The following INTS3 variants were observed in gnomAD, a reference collection of about 807,000 sequenced individuals.
The protein encoded by INTS3 is SOSS complex subunit A.
A neutral mutation model predicts 146.3 loss-of-function variants in INTS3; 34 were observed. The ratio of observed to expected loss-of-function variants is 0.23; its 90% CI spans 0.18 to 0.31. The LOEUF (loss-of-function observed/expected upper bound fraction) is 0.31, where lower values mean the gene tolerates loss of function less well. INTS3 is among the 10% of genes least tolerant of loss of function. The pLI is 1.00. For synonymous variants in INTS3, 475 were observed against 494.9 expected, an observed-to-expected ratio of 0.96 and a Z score of 0.53; for missense variants, 757 against 1,304.2, an observed-to-expected ratio of 0.58 and a Z score of 6.46.
chr1:153,731,674 C>A (rs1008801996), intron 1 of INTS3, among the ~76,000 whole-genome samples: 1 of 148,952 alleles, frequency 6.7e-6, no homozygotes, highest in African/African-American at 2.5e-5. Context: ...CAAGCTCTGC[C>A]TCCCGGGTTC....
intron 25 of INTS3, among the ~76,000 whole-genome samples, chr1:153,771,045 C>A (rs1045664352): frequency 6.6e-6 from 1 of 152,084 alleles, no homozygotes; most frequent in African/African-American, 2.4e-5. Context: ...GCGCCCCCCC[C>A]ACCGCCCCAT....
At chr1:153,759,966 C>T (rs749227837) in intron 11 of INTS3, 6 of 485,708 alleles carry the variant, frequency 1.2e-5, no homozygotes, top group African/African-American at 1.9e-5. Context: ...CAAGCTGTTT[C>T]GGGGCCTGTC....
At chr1:153,752,594 GT>G (rs1326760597) in intron 8 of INTS3, among the ~76,000 whole-genome samples, 186 bp downstream of exon 8, 1 of 152,162 alleles carries the variant, frequency 6.6e-6, no homozygotes, top group Non-Finnish European at 1.5e-5. Context: ...AATTCATGTA[GT>G]TCCTAGACAG....
intron 1 of INTS3, among the ~76,000 whole-genome samples, chr1:153,735,702 G>C (rs1443724019): frequency 6.6e-6 from 1 of 152,112 alleles, no homozygotes. Context: ...TGATTCCCCA[G>C]TCCGTGATAA....
chr1:153,773,277 G>A lies in INTS3; in HGVS notation c.*7G>A, dbSNP rs754138766. 8 of 1,613,014 alleles carry A rather than the reference G, an allele frequency of 5.0e-6. No homozygotes were observed. In the African/African-American group the frequency reaches 1.1e-4, roughly 22 times the overall value. The stretch of plus-strand genomic sequence containing the variant: ...GGGCTCTGACAGTGACTGAGGCCCT[G>A]CATTCCCCATCCCACCCCCGGCTGG... On this transcript the variant is annotated 3_prime_UTR_variant, in exon 30 of 30. Coordinates refer to ENST00000318967, the MANE Select transcript of INTS3 (RefSeq NM_023015.5).
intron 1 of INTS3, among the ~76,000 whole-genome samples, chr1:153,734,715 G>A (rs900997459): frequency 6.6e-6 from 1 of 152,184 alleles, no homozygotes; most frequent in African/African-American, 2.4e-5. Context: ...GGATCTGGTA[G>A]AGGGTACATC....
Position 153,773,483 on chromosome 1 carries a change from C to G in INTS3, c.*213C>G. ...CCTCCTCCTGGGGCCTCCAGCCCCTCACACTGCTGTTCCCAGTGATATTTG... is the reference window on the plus strand; with the variant it reads ...CCTCCTCCTGGGGCCTCCAGCCCCTGACACTGCTGTTCCCAGTGATATTTG... On this transcript the variant is annotated 3_prime_UTR_variant, in exon 30 of 30. Transcript: ENST00000318967. 1 of 614,962 alleles carries G rather than the reference C, an allele frequency of 1.6e-6. No homozygotes were observed. The highest frequency in any genetic ancestry group is 3.0e-6 in the Non-Finnish European group (1 of 337,776). The allele number at this position is 614,962 out of a possible 1,614,324, so 38.1% of individuals were successfully genotyped here.
At chr1:153,745,566 C>G (rs575942500) in intron 3 of INTS3, among the ~76,000 whole-genome samples, 1 of 150,964 alleles carries the variant, frequency 6.6e-6, no homozygotes, top group Non-Finnish European at 1.5e-5. Flanking sequence ...GAGATCCTGA[C>G]GGGATAGAAC....
chr1:153,770,057 GGGTGTGTGTGT>G, intron 23 of INTS3, 130 bp from the exon 24 acceptor site: 4 of 451,900 alleles, frequency 8.9e-6, no homozygotes, highest in Admixed American at 6.6e-5. Flanking sequence ...CAGTGGATTG[GGGTGTGTGTGT>G]GTGTGTGTGT....
rs1491428244 is a variant in INTS3 at position 153,731,577 on chromosome 1, C to CTTTTTTTTTTTTTTTTTTTTTTTT, written c.150+2794_150+2795insTTTTTTTTTTTTTTTTTTTTTTTT. 3.1e-5 allele frequency among the ~76,000 whole-genome samples: 4 copies of CTTTTTTTTTTTTTTTTTTTTTTTT among 129,230 alleles called. 1 individual carries two copies. The highest frequency in any genetic ancestry group is 4.9e-4 in the South Asian group (2 of 4,044). 84.8% of individuals were successfully genotyped at this position (129,230 alleles called of 152,430 possible). A position where few individuals can be genotyped will look rare whatever the true frequency, so the allele number is the denominator to read the frequency against. ...TGAAAGTGGGAGGCCCAAGAGCGTC[C>CTTTTTTTTTTTTTTTTTTTTTTTT]TCTTTTTTTTTTTTTTTTTTTTTGA... On this transcript the variant is annotated intron_variant, in intron 1 of 29. Coordinates refer to ENST00000318967, the MANE Select transcript of INTS3 (RefSeq NM_023015.5).
chr1:153,754,576 A>G (rs1353858920), intron 8 of INTS3, 66 bp from the exon 9 acceptor site: 8 of 1,133,358 alleles, frequency 7.1e-6, no homozygotes, highest in Non-Finnish European at 1.1e-5. Context: ...CAGGTTCCCA[A>G]CATGCCTTTC....
rs775953337 is a variant in INTS3 at position 153,772,598 on chromosome 1, T to G, written c.2822-41T>G. On this transcript the variant is annotated intron_variant, in intron 27 of 29. Transcript: ENST00000318967. The surrounding 1 kb of genome is among the most constrained non-coding windows in gnomAD (Gnocchi z 4.6). ...GCTGTTTAATAAGCTCCCAGACATC[T>G]GATTGTTTTTCCTTCCCTGCTCTCC... is the stretch of plus-strand genomic sequence containing the variant. The G allele has an allele frequency of 6.2e-7, 1 of 1,613,914 alleles. No homozygotes were observed. Among genetic ancestry groups the G allele is most frequent in the African/African-American group, 1.3e-5 (1 of 75,032 alleles).
chr1:153,736,405 GCA>G (rs767800080), intron 1 of INTS3, among the ~76,000 whole-genome samples: 9 of 151,910 alleles, frequency 5.9e-5, no homozygotes, highest in Non-Finnish European at 1.3e-4. Context: ...ATAGACATAG[GCA>G]ACCTGAGGAT....
intron 1 of INTS3, among the ~76,000 whole-genome samples, chr1:153,735,276 A>G (rs1179782372): frequency 6.6e-6 from 1 of 152,038 alleles, no homozygotes; most frequent in Non-Finnish European, 1.5e-5. Context: ...CTGGCCACAG[A>G]TTGAATAGGT....
rs760289167 is a variant in INTS3 at position 153,771,977 on chromosome 1, C to T, written c.2720+14C>T. 6.2e-7 allele frequency: 1 copy of T among 1,607,074 alleles called. No individual in the cohort carries two copies. The highest frequency in any genetic ancestry group is 1.1e-5 in the South Asian group (1 of 90,130). On this transcript the variant is annotated intron_variant, in intron 26 of 29. Coordinates refer to ENST00000318967, the MANE Select transcript of INTS3 (RefSeq NM_023015.5). ...CAAGAGACAGAGGTGGGACACGGTC[C>T]CTGTCTACCCTCCAGGCCATGGCGG...
chr1:153,759,642 T>G, intron 11 of INTS3, 29 bp downstream of exon 11: 1 of 1,433,578 alleles, frequency 7.0e-7, no homozygotes, highest in Non-Finnish European at 9.8e-7. Context: ...GCGGCTCCAC[T>G]TCCCCATCCC....
intron 8 of INTS3, among the ~76,000 whole-genome samples, chr1:153,753,042 T>TACACACAC (rs57778477): frequency 1.4e-4 from 20 of 145,530 alleles, no homozygotes; most frequent in African/African-American, 4.0e-4. Flanking sequence ...GCTCCCCTCC[T>TACACACAC]ACACACACAC....
Position 153,754,758 on chromosome 1 carries a change from G to A in INTS3, c.957+19G>A, listed in dbSNP as rs768649503. 9 of 1,516,350 alleles carry A rather than the reference G, an allele frequency of 5.9e-6. No individual in the cohort carries two copies. The highest frequency in any genetic ancestry group is 8.2e-6 in the Non-Finnish European group (9 of 1,091,004). 93.9% of individuals were successfully genotyped at this position (1,516,350 alleles called of 1,614,324 possible). On this transcript the variant is annotated intron_variant, in intron 9 of 29. Coordinates refer to ENST00000318967, the MANE Select transcript of INTS3 (RefSeq NM_023015.5). ...ATCCCGGGTAAGCTAAGGTGTTGCA[G>A]CAAGAGAAGAGGTCACACGCTGGCT...
chr1:153,770,260 A>G lies in INTS3; in HGVS notation c.2452A>G (p.Asn818Asp). ...TGCCTGGCAGCTCTTTCTGGCCCACAATATTCCCCTGGAGACCATAATCCC... is the reference window on the plus strand; with the variant it reads ...TGCCTGGCAGCTCTTTCTGGCCCACGATATTCCCCTGGAGACCATAATCCC... The part of the protein sequence containing the change: ...YCAWQLFLAH[N>D]IPLETIIPIL... Residue 818 changes from asparagine (N) to aspartate (D), a missense_variant, in exon 24 of 30, where the codon AAT (asparagine) becomes GAT (aspartate). Asn to Asp is a conservative substitution (Grantham distance 23). Around this residue, in one of 8 missense-constraint regions of INTS3, gnomAD observed 116 missense variants for 226.5 expected, o/e 0.51. Coordinates refer to ENST00000318967, the MANE Select transcript of INTS3 (RefSeq NM_023015.5). 6.2e-7 allele frequency: 1 copy of G among 1,613,796 alleles called. No homozygotes were observed. The highest frequency in any genetic ancestry group is 2.2e-5 in the East Asian group (1 of 44,888).
Sources: allele counts gnomAD v4.1 joint callset (sites outside exome capture counted in the v4.1 genomes callset), GRCh38; gene constraint gnomAD v4.1.1; regional missense constraint gnomAD v4.1.1; non-coding constraint Gnocchi (gnomAD v3.1); transcripts MANE v1.5; gene names NCBI Gene and HGNC (gene_info 2026-07-23, HGNC 2026-07-21).